Variants in PTK2B observed in about 807,000 individuals in gnomAD.
The protein encoded by PTK2B is protein tyrosine kinase 2 beta, also known as protein-tyrosine kinase 2-beta.
PTK2B carries 71 observed loss-of-function variants against 142.9 expected under a neutral mutation model. That is an observed-to-expected ratio of 0.50 (90% confidence interval 0.41 to 0.61). PTK2B has a LOEUF of 0.61. Among genes scored for constraint, PTK2B ranks in the 20% least tolerant of loss-of-function variants. PTK2B has a pLI of 0.00. For missense variants in PTK2B, 1,105 were observed against 1,320.4 expected, an observed-to-expected ratio of 0.84 and a Z score of 2.53; for synonymous variants, 519 against 503.4, an observed-to-expected ratio of 1.03 and a Z score of -0.42.
At chr8:27,358,040 G>A (rs73679172) in intron 1 of PTK2B, among the ~76,000 whole-genome samples, 8,452 of 152,164 alleles carry the variant, frequency 0.056, 649 homozygotes, top group African/African-American at 0.18. Context: ...GATTTCTATG[G>A]GGTTGCATAA....
chr8:27,419,170 G>A (rs1433966343), intron 2 of PTK2B, among the ~76,000 whole-genome samples: 3 of 152,256 alleles, frequency 2.0e-5, no homozygotes, highest in Non-Finnish European at 4.4e-5. Flanking sequence ...CTGGGAGACA[G>A]GCAGTCTATT....
Position 27,329,236 on chromosome 8 carries a change from G to A in PTK2B, c.-38+3555G>A, listed in dbSNP as rs180746763. 3.1e-4 allele frequency among the ~76,000 whole-genome samples: 47 copies of A among 152,276 alleles called. 1 individual carries two copies. Among genetic ancestry groups the A allele is most frequent in the Admixed American group, 2.7e-3 (41 of 15,298 alleles). On this transcript the variant is annotated intron_variant, in intron 1 of 30. Coordinates refer to ENST00000346049, the MANE Select transcript of PTK2B (RefSeq NM_173176.3). ...CAGGTGTGAGCCACCGCGTCTGGCT[G>A]TATGCAATCTTTCTAGCATCATGCA...
At chr8:27,393,617 C>T (rs928802689) in intron 1 of PTK2B, among the ~76,000 whole-genome samples, 15 of 152,010 alleles carry the variant, frequency 9.9e-5, no homozygotes, top group East Asian at 7.7e-4. Context: ...AGCCAGGCTG[C>T]GGAATGGGAG....
rs766566601 is a variant in PTK2B at position 27,445,898 on chromosome 8, C to T, written c.2319C>T (p.Val773=). ...CCCCACCTCTCCACCGGCACAATGT[C>T]TTCAAACGCCACAGCATGCGGGTAA... ...LHTPPLHRHN[V]FKRHSMREED... Residue 773 remains valine, a synonymous_variant, in exon 24 of 31, where the codon GTC becomes GTT. Coordinates refer to ENST00000346049, the MANE Select transcript of PTK2B (RefSeq NM_173176.3). 1.9e-6 allele frequency: 3 copies of T among 1,614,000 alleles called. No individual in the cohort carries two copies. Among genetic ancestry groups the T allele is most frequent in the Middle Eastern group, 1.6e-4 (1 of 6,062 alleles).
chr8:27,431,050 C>T, intron 8 of PTK2B, 34 bp downstream of exon 8: 1 of 1,594,762 alleles, frequency 6.3e-7, no homozygotes, highest in African/African-American at 1.3e-5. Context: ...TCTCCCTGAC[C>T]TGGATTCCAG....
In PTK2B at chr8:27,454,258, G is replaced by C; in HGVS notation, c.2700G>C (p.Gln900His). 2 of 1,614,026 alleles carry C rather than the reference G, an allele frequency of 1.2e-6. No individual in the cohort carries two copies. The highest frequency in any genetic ancestry group is 1.1e-5 in the South Asian group (1 of 91,070). Reference protein sequence around the residue: ...AVLELKNELCQLPPEGYVVVV... With the variant: ...AVLELKNELCHLPPEGYVVVV... ...TGGAGCTCAAGAATGAGCTCTGTCAGCTGCCCCCCGAGGGCTACGTGGTGG... is the reference window on the plus strand; with the variant it reads ...TGGAGCTCAAGAATGAGCTCTGTCACCTGCCCCCCGAGGGCTACGTGGTGG... The change falls in exon 29 of 31, where the codon CAG becomes CAC. Residue 900 changes from glutamine to histidine, a missense_variant. Transcript: ENST00000346049.
At chr8:27,312,773 A>G (rs1331688070) in intron 2 of PTK2B, among the ~76,000 whole-genome samples, 3 of 151,822 alleles carry the variant, frequency 2.0e-5, no homozygotes, top group Non-Finnish European at 4.4e-5. Context: ...TTAAAATATT[A>G]CTCTTTCTCT....
At chr8:27,444,505 ACAT>A (rs1306614559) in intron 23 of PTK2B, among the ~76,000 whole-genome samples, 1 of 151,950 alleles carries the variant, frequency 6.6e-6, no homozygotes, top group East Asian at 1.9e-4. Context: ...CCCTCTGTCT[ACAT>A]CATCTGCTGC....
At chr8:27,449,215 T>G (rs958926889) in intron 24 of PTK2B, among the ~76,000 whole-genome samples, 1 of 152,246 alleles carries the variant, frequency 6.6e-6, no homozygotes, top group Non-Finnish European at 1.5e-5. Context: ...TCGTATAGTT[T>G]AACATCACTG....
At chr8:27,453,955 G>A (rs745617758) in intron 28 of PTK2B, 199 bp from the exon 29 acceptor site, 40 of 647,790 alleles carry the variant, frequency 6.2e-5, no homozygotes, top group East Asian at 2.9e-4. Context: ...CTAGTATTCC[G>A]TTAAGGCTCC....
upstream of PTK2B, chr8:27,311,257 C>A: frequency 1.4e-6 from 2 of 1,481,364 alleles, no homozygotes; most frequent in African/African-American, 1.4e-5. Context: ...CCGGCTCGGG[C>A]GCCCGGAACT....
intron 1 of PTK2B, among the ~76,000 whole-genome samples, chr8:27,392,386 T>G (rs537780745): frequency 6.6e-6 from 1 of 151,852 alleles, no homozygotes; most frequent in Non-Finnish European, 1.5e-5. Context: ...AGACAAGATT[T>G]TGGAAAAAAG....
chr8:27,312,964 G>A (rs1803013953), intron 2 of PTK2B, among the ~76,000 whole-genome samples: 2 of 152,150 alleles, frequency 1.3e-5, no homozygotes. Flanking sequence ...TTGCCTCCTT[G>A]GAAGAAAGAA....
chr8:27,384,744 T>TG lies in PTK2B; in HGVS notation c.-37-12802dup, dbSNP rs1441540098. On this transcript the variant is annotated intron_variant, in intron 1 of 30. Coordinates refer to ENST00000346049, the MANE Select transcript of PTK2B (RefSeq NM_173176.3). Reference sequence around the variant, plus strand: ...ACAGATGGCTAGGCCCCAACCCCCATGGTCTCCATGCACTAGGTCAGGTTA... The same window carrying TG: ...ACAGATGGCTAGGCCCCAACCCCCATGGGTCTCCATGCACTAGGTCAGGTTA... 2.6e-5 allele frequency among the ~76,000 whole-genome samples: 4 copies of TG among 152,160 alleles called. No individual in the cohort carries two copies. The East Asian group carries it at 7.7e-4, about 29-fold the overall frequency.
chr8:27,430,354 C>T lies in PTK2B; in HGVS notation c.615-10C>T. ...GGAGTCACATGCTGCCTTTTTCTTC[C>T]TTCTTGCAGAAAGGAAGTGGGGCTG... is the stretch of plus-strand genomic sequence containing the variant. On this transcript the variant is annotated splice_polypyrimidine_tract_variant and intron_variant, in intron 6 of 30. Transcript: ENST00000346049. 1.9e-6 allele frequency: 3 copies of T among 1,614,120 alleles called. No homozygotes were observed. Among genetic ancestry groups the T allele is most frequent in the Middle Eastern group, 3.3e-4 (2 of 6,060 alleles).
chr8:27,342,276 C>G (rs1804447769), intron 1 of PTK2B, among the ~76,000 whole-genome samples: 2 of 151,618 alleles, frequency 1.3e-5, no homozygotes, highest in East Asian at 3.9e-4. Context: ...TTTGGTTTTG[C>G]TTTACTTTGT....
chr8:27,324,807 C>T (rs1270553014), upstream of PTK2B, among the ~76,000 whole-genome samples: 1 of 152,216 alleles, frequency 6.6e-6, no homozygotes, highest in Non-Finnish European at 1.5e-5. Flanking sequence ...TCACTTCCTC[C>T]TCCTACTCAG....
chr8:27,313,720 A>G (rs1180523619), intron 3 of PTK2B, among the ~76,000 whole-genome samples: 1 of 152,124 alleles, frequency 6.6e-6, no homozygotes, highest in Non-Finnish European at 1.5e-5. Flanking sequence ...GTCATACTCC[A>G]CTATTTTGTC....
At chr8:27,335,849 A>G (rs1191131222) in intron 1 of PTK2B, among the ~76,000 whole-genome samples, 1 of 152,146 alleles carries the variant, frequency 6.6e-6, no homozygotes, top group Non-Finnish European at 1.5e-5. Flanking sequence ...GGGACTTTTT[A>G]GCAAAGCTTT....
Sources: gnomAD v4.1 joint callset for allele counts (sites outside exome capture counted in the v4.1 genomes callset) on GRCh38, gnomAD v4.1.1 for gene constraint, MANE v1.5 for transcripts, NCBI Gene and HGNC (gene_info 2026-07-23, HGNC 2026-07-21) for gene names.